ATP2C2: variants seen among roughly 807,000 people sequenced by gnomAD.
ATP2C2 encodes ATPase secretory pathway Ca2+ transporting 2, also known as calcium-transporting ATPase type 2C member 2.
Under a neutral mutation model 110.8 loss-of-function variants are expected in ATP2C2, and 171 were observed. The observed-to-expected ratio is 1.54, with a 90% CI of 1.36 to 1.75. The LOEUF is 1.75. Ranked by LOEUF, ATP2C2 falls within the 40% of genes most tolerant of loss-of-function variation. ATP2C2 has a pLI of 0.00. For synonymous variants in ATP2C2, 804 were observed against 508.4 expected (o/e 1.58, Z -7.82); for missense variants, 1,963 against 1,235.0 (o/e 1.59, Z -8.84).
Position 84,446,385 on chromosome 16 carries a change from T to C in ATP2C2, c.1458T>C (p.Ser486=), listed in dbSNP as rs759310915. The part of the protein sequence containing the change: ...SYIRKKEIPF[S]SEQKWMAVKC... ...TAAGAAAAAAAGAGATTCCATTCAG[T>C]TCAGAGCAGAAGTGGATGGCGGTGA... The change falls in exon 16 of 27, where the codon AGT becomes AGC. Residue 486 remains serine (S), a synonymous_variant. Coordinates refer to ENST00000262429, the MANE Select transcript of ATP2C2 (RefSeq NM_014861.4). 2 of 1,607,856 alleles carry C rather than the reference T, an allele frequency of 1.2e-6. No homozygotes were observed. The highest frequency in any genetic ancestry group is 8.5e-7 in the Non-Finnish European group (1 of 1,177,666).
At chr16:84,381,129 T>C (rs1445558954) in intron 1 of ATP2C2, among the ~76,000 whole-genome samples, 2 of 152,122 alleles carry the variant, frequency 1.3e-5, no homozygotes, top group African/African-American at 2.4e-5. Flanking sequence ...TGGATTATCA[T>C]TAGTTATTAT....
At chr16:84,453,686 A>C (rs974043838) in intron 20 of ATP2C2, among the ~76,000 whole-genome samples, 1 of 152,174 alleles carries the variant, frequency 6.6e-6, no homozygotes, top group Non-Finnish European at 1.5e-5. Flanking sequence ...GGGAAGTGTC[A>C]TCTGTAGCTG....
intron 18 of ATP2C2, among the ~76,000 whole-genome samples, 158 bp from the exon 19 acceptor site, chr16:84,452,980 C>A (rs774010946): frequency 6.6e-6 from 1 of 152,080 alleles, no homozygotes; most frequent in South Asian, 2.1e-4. Context: ...TAAGTTAATC[C>A]TGTGGATAGA....
Position 84,423,269 on chromosome 16 carries a change from T to C in ATP2C2, c.919+6T>C. 6.2e-7 allele frequency: 1 copy of C among 1,612,826 alleles called. No individual in the cohort carries two copies. The highest frequency in any genetic ancestry group is 8.5e-7 in the Non-Finnish European group (1 of 1,178,892). On this transcript the variant is annotated splice_donor_region_variant and intron_variant, in intron 10 of 26. Transcript: ENST00000262429. ...CTTCTCCTTTGGCATAATCGGTGAGTGAAGCAGTTTCCATACTGGGTTTGT... is the reference window on the plus strand; with the variant it reads ...CTTCTCCTTTGGCATAATCGGTGAGCGAAGCAGTTTCCATACTGGGTTTGT...
Position 84,454,879 on chromosome 16 carries a change from C to G in ATP2C2, c.2042C>G (p.Ala681Gly). The G allele has an allele frequency of 6.2e-7, 1 of 1,613,940 alleles. No individual in the cohort carries two copies. The highest frequency in any genetic ancestry group is 8.5e-7 in the Non-Finnish European group (1 of 1,179,916). ...MTGDGVNDAV[A>G]LKSADIGIAM... ...GGGGATGGGGTGAACGACGCAGTGG[C>G]CCTGAAGTCTGCAGACATTGGGATC... is the stretch of plus-strand genomic sequence containing the variant. Residue 681 changes from alanine to glycine, a missense_variant, in exon 21 of 27, where the codon GCC becomes GGC. Physicochemically the swap from Ala to Gly is moderately conservative, Grantham distance 60 (BLOSUM62 0). Transcript: ENST00000262429.
At chr16:84,432,151 G>A (rs1344952030) in intron 11 of ATP2C2, among the ~76,000 whole-genome samples, 1 of 152,138 alleles carries the variant, frequency 6.6e-6, no homozygotes, top group Non-Finnish European at 1.5e-5. Flanking sequence ...GGAACAGGTG[G>A]TGTTTCGTTA....
At chr16:84,439,980 A>G (rs1909095433) in intron 13 of ATP2C2, among the ~76,000 whole-genome samples, 1 of 152,162 alleles carries the variant, frequency 6.6e-6, no homozygotes, top group African/African-American at 2.4e-5. Context: ...GACTACAGGC[A>G]TGCCCTAATA....
At chr16:84,461,545 G>C in intron 24 of ATP2C2, 169 bp from the exon 25 acceptor site, 1 of 693,368 alleles carries the variant, frequency 1.4e-6, no homozygotes, top group Non-Finnish European at 2.6e-6. Context: ...GAGACCCTGG[G>C]GTAGCAGCCA....
Position 84,396,232 on chromosome 16 carries a change from G to A in ATP2C2, c.100-2267G>A, listed in dbSNP as rs1024638348. Among the ~76,000 whole-genome samples the A allele has an allele frequency of 4.6e-4, 70 of 152,110 alleles. 1 individual carries two copies. In the South Asian group the frequency reaches 0.014, roughly 31 times the overall value. Reference sequence around the variant, plus strand: ...GTTTTCAAGCATCGGGCGTGTGTGTGTGTGTGTGTGAGATGGGATTTATGT... The same window carrying A: ...GTTTTCAAGCATCGGGCGTGTGTGTATGTGTGTGTGAGATGGGATTTATGT... On this transcript the variant is annotated intron_variant, in intron 1 of 26. Coordinates refer to ENST00000262429, the MANE Select transcript of ATP2C2 (RefSeq NM_014861.4).
At chr16:84,370,869 C>A (rs1350917704) in intron 1 of ATP2C2, among the ~76,000 whole-genome samples, 1 of 152,128 alleles carries the variant, frequency 6.6e-6, no homozygotes, top group Non-Finnish European at 1.5e-5. Flanking sequence ...TGAGAACTTG[C>A]TGTGTCTTCT....
chr16:84,394,190 G>A (rs939932235), intron 1 of ATP2C2, among the ~76,000 whole-genome samples: 2 of 151,734 alleles, frequency 1.3e-5, no homozygotes, highest in Non-Finnish European at 2.9e-5. Flanking sequence ...CCTCAAAAAC[G>A]AAAAACAAAA....
intron 18 of ATP2C2, 132 bp downstream of exon 18, chr16:84,452,223 G>C: frequency 4.5e-6 from 5 of 1,114,234 alleles, no homozygotes; most frequent in South Asian, 3.2e-5. Flanking sequence ...GCTTAGAAAA[G>C]ACGCTGAGTA....
chr16:84,416,160 C>T (rs971292439), intron 7 of ATP2C2, among the ~76,000 whole-genome samples: 9 of 152,234 alleles, frequency 5.9e-5, no homozygotes, highest in Admixed American at 1.3e-4. Flanking sequence ...GGCAACAGAG[C>T]GAGAAGCACA....
At chr16:84,463,352 C>T (rs577299225) in intron 26 of ATP2C2, among the ~76,000 whole-genome samples, 61 of 152,262 alleles carry the variant, frequency 4.0e-4, no homozygotes, top group African/African-American at 1.4e-3. Flanking sequence ...AGCCCGAGTC[C>T]ATAACATGCT....
chr16:84,376,239 C>G (rs1910241719), intron 1 of ATP2C2, among the ~76,000 whole-genome samples: 1 of 152,092 alleles, frequency 6.6e-6, no homozygotes, highest in African/African-American at 2.4e-5. Flanking sequence ...GGAAAGGTCT[C>G]TGGTTCAAGG....
At chr16:84,395,807 T>A (rs1444808515) in intron 1 of ATP2C2, among the ~76,000 whole-genome samples, 1 of 152,184 alleles carries the variant, frequency 6.6e-6, no homozygotes, top group Non-Finnish European at 1.5e-5. Flanking sequence ...GCCCTTTTCT[T>A]CTGGATTTTT....
chr16:84,423,488 G>T (rs547611424), intron 10 of ATP2C2, among the ~76,000 whole-genome samples: 1 of 152,200 alleles, frequency 6.6e-6, no homozygotes, highest in Non-Finnish European at 1.5e-5. Flanking sequence ...CAGAGTAAAC[G>T]CTTGTTCCTT....
At chr16:84,373,699 T>G (rs181966804) in intron 1 of ATP2C2, among the ~76,000 whole-genome samples, 72 of 152,226 alleles carry the variant, frequency 4.7e-4, no homozygotes, top group Admixed American at 7.2e-4. Flanking sequence ...AGGCTGCCCA[T>G]TGGAATAGTA....
chr16:84,461,010 C>A, intron 24 of ATP2C2: 1 of 669,570 alleles, frequency 1.5e-6, no homozygotes, highest in Non-Finnish European at 2.4e-6. Flanking sequence ...AGGTGTGTGC[C>A]TGGGAACTAC....
Sources: allele counts gnomAD v4.1 joint callset (sites outside exome capture counted in the v4.1 genomes callset), GRCh38; gene constraint gnomAD v4.1.1; transcripts MANE v1.5; gene names NCBI Gene and HGNC (gene_info 2026-07-23, HGNC 2026-07-21).